The following LRP1B variants were observed in gnomAD, a reference collection of about 807,000 sequenced individuals.
LRP1B encodes low-density lipoprotein receptor-related protein 1B.
Under a neutral mutation model 556.6 loss-of-function variants are expected in LRP1B, and 217 were observed. The observed-to-expected ratio is 0.39, with a 90% CI of 0.35 to 0.44. LRP1B has a LOEUF of 0.44. LRP1B is among the 20% of genes least tolerant of loss of function. The pLI, the probability that LRP1B is intolerant of heterozygous loss-of-function variation, is 1.00. For synonymous variants in LRP1B, 2,047 were observed against 1,865.8 expected, an observed-to-expected ratio of 1.10 and a Z score of -2.50; for missense variants, 5,053 against 5,620.8, an observed-to-expected ratio of 0.90 and a Z score of 3.23.
intron 7 of LRP1B, among the ~76,000 whole-genome samples, chr2:141,156,499 G>C (rs1255743809): frequency 6.6e-6 from 1 of 151,846 alleles, no homozygotes; most frequent in African/African-American, 2.4e-5. Flanking sequence ...ATGGTGGTGG[G>C]TGCCTGTAAT....
intron 1 of LRP1B, among the ~76,000 whole-genome samples, chr2:141,911,512 T>G (rs1558956155): frequency 6.6e-6 from 1 of 152,174 alleles, no homozygotes; most frequent in Non-Finnish European, 1.5e-5. Flanking sequence ...CACATCCATT[T>G]TTGAAAAAAT....
At chr2:141,196,646 T>C (rs1681763396) in intron 6 of LRP1B, among the ~76,000 whole-genome samples, 2 of 152,074 alleles carry the variant, frequency 1.3e-5, no homozygotes, top group East Asian at 2.0e-4. Context: ...TTCTTAGAAT[T>C]TATTATTGCA....
rs568895765 is a variant in LRP1B at position 141,984,122 on chromosome 2, G to C, written c.82+146526C>G. ...CAGCCTGCTGGAGTGGCAGGTGACA[G>C]ATTGACAAAGAGAGGCTTGCTGAAA... On this transcript the variant is annotated intron_variant, in intron 1 of 90. Coordinates refer to ENST00000389484, the MANE Select transcript of LRP1B (RefSeq NM_018557.3). Among the ~76,000 whole-genome samples, 4 of 152,214 alleles carry C rather than the reference G, an allele frequency of 2.6e-5. No homozygotes were observed. In the East Asian group the frequency reaches 7.7e-4, roughly 29 times the overall value.
chr2:141,023,224 CTT>C lies in LRP1B; in HGVS notation c.1790-3124_1790-3123del, dbSNP rs569811947. Among the ~76,000 whole-genome samples, 581 of 151,928 alleles carry C rather than the reference CTT, an allele frequency of 3.8e-3. 3 individuals carry two copies. The highest frequency in any genetic ancestry group is 0.013 in the African/African-American group (556 of 41,504). ...CTTTGTTCTAGTAATTTCAAAATAA[CTT>C]ATATGAATGGAGTAATATATAAATA... On this transcript the variant is annotated intron_variant, in intron 11 of 90. Coordinates refer to ENST00000389484, the MANE Select transcript of LRP1B (RefSeq NM_018557.3).
At chr2:140,816,394 G>A (rs1245233828) in intron 31 of LRP1B, among the ~76,000 whole-genome samples, 1 of 152,038 alleles carries the variant, frequency 6.6e-6, no homozygotes, top group Non-Finnish European at 1.5e-5. Flanking sequence ...GGGATTACAG[G>A]CATGAACCAC....
intron 2 of LRP1B, among the ~76,000 whole-genome samples, chr2:141,485,585 A>G (rs1028436447): frequency 1.3e-5 from 2 of 152,160 alleles, no homozygotes; most frequent in African/African-American, 2.4e-5. Flanking sequence ...GCCAGGCAAT[A>G]TAGATATTTC....
intron 4 of LRP1B, among the ~76,000 whole-genome samples, chr2:141,253,194 T>C (rs182005444): frequency 5.3e-5 from 8 of 152,302 alleles, no homozygotes; most frequent in Admixed American, 1.3e-4. Flanking sequence ...GCATCATCCA[T>C]GTCTGGCACC....
chr2:141,111,330 T>A (rs1700744485), intron 7 of LRP1B, among the ~76,000 whole-genome samples: 1 of 151,360 alleles, frequency 6.6e-6, no homozygotes, highest in Non-Finnish European at 1.5e-5. Flanking sequence ...TGAAAAAAAA[T>A]GCAAATAGCA....
At chr2:142,050,333 T>C (rs112625559) in intron 1 of LRP1B, among the ~76,000 whole-genome samples, 58 of 152,278 alleles carry the variant, frequency 3.8e-4, no homozygotes, top group African/African-American at 1.3e-3. Context: ...TTTGAAACCT[T>C]AATAATTCTA....
intron 3 of LRP1B, among the ~76,000 whole-genome samples, chr2:141,479,695 C>T (rs917614980): frequency 6.6e-6 from 1 of 152,096 alleles, no homozygotes; most frequent in Non-Finnish European, 1.5e-5. Flanking sequence ...AATCTGGGTC[C>T]TTACCTGGAT....
At chr2:141,211,921 A>T (rs1354607551) in intron 6 of LRP1B, among the ~76,000 whole-genome samples, 1 of 152,152 alleles carries the variant, frequency 6.6e-6, no homozygotes, top group Non-Finnish European at 1.5e-5. Context: ...AAGTAATTTT[A>T]TTAATCAACT....
At chr2:140,540,294 T>C (rs1680085116) in intron 45 of LRP1B, among the ~76,000 whole-genome samples, 1 of 152,124 alleles carries the variant, frequency 6.6e-6, no homozygotes, top group Non-Finnish European at 1.5e-5. Context: ...TATACATAAA[T>C]TGCCTTAACG....
chr2:140,892,247 G>A (rs1204644041), intron 23 of LRP1B, among the ~76,000 whole-genome samples: 1 of 152,174 alleles, frequency 6.6e-6, no homozygotes, highest in Non-Finnish European at 1.5e-5. Context: ...GTAAGTGACA[G>A]AAGCAGACAA....
intron 66 of LRP1B, among the ~76,000 whole-genome samples, chr2:140,425,324 C>T (rs112011730): frequency 0.014 from 2,168 of 152,188 alleles, 54 homozygotes; most frequent in African/African-American, 0.05. Flanking sequence ...TATAATAGAT[C>T]AAGGAAGCTG....
At chr2:142,110,351 G>A (rs574021649) in intron 1 of LRP1B, among the ~76,000 whole-genome samples, 8 of 152,036 alleles carry the variant, frequency 5.3e-5, no homozygotes, top group Middle Eastern at 3.4e-3. Flanking sequence ...TTTAAAAAAA[G>A]CTATCTGAAA....
chr2:140,821,240 A>AT (rs1691319240), intron 31 of LRP1B, among the ~76,000 whole-genome samples: 1 of 152,278 alleles, frequency 6.6e-6, no homozygotes, highest in African/African-American at 2.4e-5. Flanking sequence ...TTTTTAAAAA[A>AT]TTACCTCCCC....
intron 1 of LRP1B, among the ~76,000 whole-genome samples, chr2:142,015,735 T>C (rs1255619153): frequency 5.9e-5 from 9 of 152,202 alleles, no homozygotes; most frequent in Non-Finnish European, 1.2e-4. Context: ...GGCTCACGTC[T>C]GTAATCCCAG....
intron 59 of LRP1B, among the ~76,000 whole-genome samples, chr2:140,476,147 T>C (rs1687965419): frequency 6.6e-6 from 1 of 152,018 alleles, no homozygotes; most frequent in Admixed American, 6.6e-5. Context: ...TACTTAGACG[T>C]TTTTCTCTGT....
intron 2 of LRP1B, among the ~76,000 whole-genome samples, chr2:141,574,061 T>G (rs940675772): frequency 6.6e-6 from 1 of 152,000 alleles, no homozygotes; most frequent in Non-Finnish European, 1.5e-5. Flanking sequence ...TTCCAAACAA[T>G]TGAAAAGGGG....
Sources: allele counts gnomAD v4.1 joint callset (sites outside exome capture counted in the v4.1 genomes callset), GRCh38; gene constraint gnomAD v4.1.1; transcripts MANE v1.5; gene names NCBI Gene and HGNC (gene_info 2026-07-23, HGNC 2026-07-21).